Variants in RAB3C observed in about 807,000 individuals in gnomAD.
RAB3C encodes ras-related protein Rab-3C.
Under a neutral mutation model 26.4 loss-of-function variants are expected in RAB3C, and 17 were observed. The ratio of observed to expected loss-of-function variants is 0.64; its 90% CI spans 0.44 to 0.97. The LOEUF (loss-of-function observed/expected upper bound fraction) is 0.97. Ranked by LOEUF, RAB3C falls within the 50% of genes least tolerant of loss-of-function variation. The pLI is 0.00. For synonymous variants in RAB3C, 91 were observed against 95.9 expected (o/e 0.95, Z 0.30); for missense variants, 242 against 281.9 (o/e 0.86, Z 1.01).
At position 58,668,251 on chromosome 5, in the gene RAB3C, T is replaced by G. The variant is rs80016062; in HGVS notation, c.252+50381T>G. Among the ~76,000 whole-genome samples the G allele has an allele frequency of 3.9e-5, 6 of 152,272 alleles. No homozygotes were observed. In the East Asian group the frequency reaches 1.2e-3, roughly 29 times the overall value. ...AGAGAAAAGTGATTAGAACATTAAG[T>G]GGAGCAAACTGACCTGACCCTCAGA... On this transcript the variant is annotated intron_variant, in intron 2 of 4. Transcript: ENST00000282878.
intron 3 of RAB3C, among the ~76,000 whole-genome samples, chr5:58,759,428 G>A (rs1008179946): frequency 2.0e-5 from 3 of 152,204 alleles, no homozygotes; most frequent in African/African-American, 7.2e-5. Context: ...GTTCACCACT[G>A]TCTGCCTCCC....
rs572350828 is a variant in RAB3C at position 58,722,377 on chromosome 5, G to C, written c.253-3625G>C. Among the ~76,000 whole-genome samples the C allele has an allele frequency of 2.6e-5, 4 of 151,370 alleles. No individual in the cohort carries two copies. The East Asian group carries it at 7.8e-4, about 30-fold the overall frequency. On this transcript the variant is annotated intron_variant, in intron 2 of 4. Transcript: ENST00000282878. ...AGTGCAGAGAAGGCAGCAGGCATGG[G>C]GTCCCAACCTGTAAGAATGCTGTGT... is the stretch of plus-strand genomic sequence containing the variant.
intron 2 of RAB3C, among the ~76,000 whole-genome samples, chr5:58,651,188 A>C (rs1309944732): frequency 1.3e-5 from 2 of 152,240 alleles, no homozygotes; most frequent in Non-Finnish European, 2.9e-5. Flanking sequence ...AAACTATGTC[A>C]CATCACAGAG....
At chr5:58,711,625 C>A (rs1423563354) in intron 2 of RAB3C, among the ~76,000 whole-genome samples, 1 of 152,150 alleles carries the variant, frequency 6.6e-6, no homozygotes, top group Non-Finnish European at 1.5e-5. Context: ...AGAAGCATTA[C>A]ATACGTTAAT....
chr5:58,582,317 A>C (rs1745915909), upstream of RAB3C: 1 of 828,244 alleles, frequency 1.2e-6, no homozygotes, highest in African/African-American at 1.9e-5. Context: ...GTGCCTTTTC[A>C]TTTTAGCCCC....
Position 58,854,514 on chromosome 5 carries a change from G to T in RAB3C, c.*3163G>T, listed in dbSNP as rs1005059365. On this transcript the variant is annotated 3_prime_UTR_variant, in exon 5 of 5. Coordinates refer to ENST00000282878, the MANE Select transcript of RAB3C (RefSeq NM_138453.4). Reference sequence around the variant, plus strand: ...ACAAAGCGTCCTAAGATGGCAGTTTGAATGTTAGCATCGCATCTACATGCT... The same window carrying T: ...ACAAAGCGTCCTAAGATGGCAGTTTTAATGTTAGCATCGCATCTACATGCT... 4 of 152,170 alleles carry T rather than the reference G, an allele frequency of 2.6e-5. No homozygotes were observed. Among genetic ancestry groups the T allele is most frequent in the African/African-American group, 9.7e-5 (4 of 41,444 alleles). 9.4% of individuals were successfully genotyped at this position (152,170 alleles called of 1,614,324 possible). A position where few individuals can be genotyped will look rare whatever the true frequency, so the allele number is the denominator to read the frequency against.
At chr5:58,675,533 C>T (rs879084436) in intron 2 of RAB3C, among the ~76,000 whole-genome samples, 1 of 151,836 alleles carries the variant, frequency 6.6e-6, no homozygotes, top group South Asian at 2.1e-4. Context: ...AGCATAGCAA[C>T]TGGGAGTCAC....
At chr5:58,702,719 GATA>G (rs1748871898) in intron 2 of RAB3C, among the ~76,000 whole-genome samples, 1 of 151,696 alleles carries the variant, frequency 6.6e-6, no homozygotes, top group South Asian at 2.1e-4. Flanking sequence ...CTAAAAGAAA[GATA>G]ATAAGAGATA....
At chr5:58,585,204 G>A (rs541343303) in intron 1 of RAB3C, among the ~76,000 whole-genome samples, 31 of 151,718 alleles carry the variant, frequency 2.0e-4, no homozygotes, top group Non-Finnish European at 4.3e-4. Flanking sequence ...CTAATAAATT[G>A]TTGTTATGGT....
intron 2 of RAB3C, among the ~76,000 whole-genome samples, chr5:58,643,858 G>A (rs1478378111): frequency 2.6e-5 from 4 of 152,174 alleles, no homozygotes; most frequent in Non-Finnish European, 5.9e-5. Flanking sequence ...GTCTCGCTCT[G>A]TTGCCCAGGC....
At position 58,758,035 on chromosome 5, in the gene RAB3C, G is replaced by A. The variant is rs566670224; in HGVS notation, c.371+31915G>A. Among the ~76,000 whole-genome samples, 5 of 152,270 alleles carry A rather than the reference G, an allele frequency of 3.3e-5. No homozygotes were observed. The East Asian group carries it at 7.7e-4, about 24-fold the overall frequency. ...CAGCTCACTGCAAGCTCCACCTCCC[G>A]GGTTCACGCCATTCTCCTGCCTCAG... On this transcript the variant is annotated intron_variant, in intron 3 of 4. Coordinates refer to ENST00000282878, the MANE Select transcript of RAB3C (RefSeq NM_138453.4).
intron 2 of RAB3C, among the ~76,000 whole-genome samples, chr5:58,710,563 C>A (rs1176809443): frequency 6.6e-6 from 1 of 151,602 alleles, no homozygotes; most frequent in African/African-American, 2.4e-5. Context: ...CACGCCACTG[C>A]ACTCTAGCCT....
chr5:58,807,302 T>C (rs1215898378), intron 3 of RAB3C, among the ~76,000 whole-genome samples: 1 of 152,184 alleles, frequency 6.6e-6, no homozygotes, highest in Non-Finnish European at 1.5e-5. Flanking sequence ...AGAGAGTTAA[T>C]ATAGCCAGAG....
intron 3 of RAB3C, among the ~76,000 whole-genome samples, chr5:58,774,290 T>C (rs1742082574): frequency 6.6e-6 from 1 of 152,160 alleles, no homozygotes; most frequent in Admixed American, 6.5e-5. Flanking sequence ...TTCTCTGCCT[T>C]TCCAAGGCCA....
At position 58,740,189 on chromosome 5, in the gene RAB3C, A is replaced by G. The variant is rs1243063204; in HGVS notation, c.371+14069A>G. On this transcript the variant is annotated intron_variant, in intron 3 of 4. Coordinates refer to ENST00000282878, the MANE Select transcript of RAB3C (RefSeq NM_138453.4). ...ATGGGAGAGCACAAAGCAGTTCAGGAGCCCAGAGTCAGCTATTACAGGATT... is the reference window on the plus strand; with the variant it reads ...ATGGGAGAGCACAAAGCAGTTCAGGGGCCCAGAGTCAGCTATTACAGGATT... 2.0e-5 allele frequency among the ~76,000 whole-genome samples: 3 copies of G among 152,194 alleles called. No individual in the cohort carries two copies. The East Asian group carries it at 5.8e-4, about 29-fold the overall frequency.
intron 2 of RAB3C, among the ~76,000 whole-genome samples, chr5:58,724,245 G>A (rs1740832841): frequency 6.6e-6 from 1 of 151,666 alleles, no homozygotes; most frequent in Non-Finnish European, 1.5e-5. Context: ...CACTTTACAT[G>A]AATTACTTCA....
At chr5:58,591,105 T>C (rs777855777) in intron 1 of RAB3C, among the ~76,000 whole-genome samples, 11 of 152,226 alleles carry the variant, frequency 7.2e-5, no homozygotes, top group Admixed American at 2.6e-4. Flanking sequence ...ATTGCTACTA[T>C]GGAAGATATT....
At chr5:58,669,247 G>A (rs1369642196) in intron 2 of RAB3C, among the ~76,000 whole-genome samples, 1 of 152,044 alleles carries the variant, frequency 6.6e-6, no homozygotes, top group Non-Finnish European at 1.5e-5. Flanking sequence ...ACTTTCAAAT[G>A]TGTCCTGTGT....
At chr5:58,801,954 T>C (rs1215615534) in intron 3 of RAB3C, among the ~76,000 whole-genome samples, 1 of 152,236 alleles carries the variant, frequency 6.6e-6, no homozygotes, top group East Asian at 1.9e-4. Context: ...TTCTTTTCCA[T>C]TCTCCATAAA....
Sources: gnomAD v4.1 joint callset for allele counts (sites outside exome capture counted in the v4.1 genomes callset) on GRCh38, gnomAD v4.1.1 for gene constraint, MANE v1.5 for transcripts, NCBI Gene and HGNC (gene_info 2026-07-23, HGNC 2026-07-21) for gene names.